CHRNA7: variants seen among roughly 807,000 people sequenced by gnomAD.
CHRNA7 encodes cholinergic receptor nicotinic alpha 7 subunit, also known as neuronal acetylcholine receptor subunit alpha-7.
In CHRNA7, 17 loss-of-function variants were observed where a neutral mutation model predicts 48.0. The observed-to-expected ratio is 0.35, with a 90% confidence interval of 0.24 to 0.53. The LOEUF is 0.53. CHRNA7 is among the 20% of genes least tolerant of loss of function. The pLI is 0.92. For synonymous variants in CHRNA7, 75 were observed against 242.3 expected (o/e 0.31, Z 6.41); for missense variants, 155 against 577.7 (o/e 0.27, Z 7.50).
At chr15:32,054,317 A>G (rs757335203) in intron 2 of CHRNA7, among the ~76,000 whole-genome samples, 31 of 152,298 alleles carry the variant, frequency 2.0e-4, no homozygotes, top group Admixed American at 5.9e-4. Context: ...TGAAATCACT[A>G]GTCAGGAAAC....
At chr15:32,125,725 A>G (rs2051055003) in intron 4 of CHRNA7, among the ~76,000 whole-genome samples, 1 of 152,184 alleles carries the variant, frequency 6.6e-6, no homozygotes, top group Non-Finnish European at 1.5e-5. Context: ...TAACAATGGA[A>G]ACTGCATCTT....
At chr15:32,095,971 G>T (rs1045023243) in intron 2 of CHRNA7, among the ~76,000 whole-genome samples, 1 of 152,280 alleles carries the variant, frequency 6.6e-6, no homozygotes, top group East Asian at 1.9e-4. Context: ...GTGACCTAGG[G>T]CCAGGAGCTT....
At chr15:32,052,984 C>T (rs1186288695) in intron 2 of CHRNA7, among the ~76,000 whole-genome samples, 3 of 152,026 alleles carry the variant, frequency 2.0e-5, no homozygotes, top group Non-Finnish European at 4.4e-5. Flanking sequence ...ATCACATGTA[C>T]CTCCAAAATA....
intron 2 of CHRNA7, among the ~76,000 whole-genome samples, chr15:32,063,247 A>G (rs1200305820): frequency 6.6e-6 from 1 of 151,724 alleles, no homozygotes; most frequent in Admixed American, 6.6e-5. Flanking sequence ...AAAAAAAAAA[A>G]GTAATTGCAC....
At chr15:32,151,720 A>G (rs923262887) in intron 4 of CHRNA7, among the ~76,000 whole-genome samples, 3 of 152,092 alleles carry the variant, frequency 2.0e-5, no homozygotes, top group African/African-American at 7.2e-5. Flanking sequence ...TCTAATTGCT[A>G]TATCCTCTTG....
At chr15:32,046,777 T>A (rs934757469) in intron 2 of CHRNA7, among the ~76,000 whole-genome samples, 5 of 152,050 alleles carry the variant, frequency 3.3e-5, no homozygotes, top group Admixed American at 3.3e-4. Flanking sequence ...TGCCTAGGTT[T>A]TCTTCTAGGG....
intron 2 of CHRNA7, among the ~76,000 whole-genome samples, chr15:32,044,124 T>G (rs1476631417): frequency 1.3e-5 from 2 of 152,220 alleles, no homozygotes; most frequent in African/African-American, 4.8e-5. Context: ...TTTAACAGTT[T>G]TGCTATGATA....
intron 2 of CHRNA7, among the ~76,000 whole-genome samples, chr15:32,076,714 T>C (rs2050141167): frequency 6.6e-6 from 1 of 152,158 alleles, no homozygotes; most frequent in African/African-American, 2.4e-5. Context: ...ATAATCTCTC[T>C]CATTATTAAC....
chr15:32,047,339 T>A (rs1274799707), intron 2 of CHRNA7, among the ~76,000 whole-genome samples: 4 of 150,726 alleles, frequency 2.7e-5, no homozygotes, highest in South Asian at 2.1e-4. Flanking sequence ...TATCCTCTTT[T>A]ATTTCATTGA....
intron 2 of CHRNA7, among the ~76,000 whole-genome samples, chr15:32,079,152 C>G (rs1005624628): frequency 6.6e-6 from 1 of 152,126 alleles, no homozygotes. Flanking sequence ...GGACATACCT[C>G]AAAATAATAA....
intron 4 of CHRNA7, among the ~76,000 whole-genome samples, chr15:32,150,229 T>C (rs571993621): frequency 4.6e-4 from 70 of 152,150 alleles, no homozygotes; most frequent in Non-Finnish European, 8.7e-4. Flanking sequence ...TTTGTCAGTG[T>C]TTTGTTTTTG....
At chr15:32,066,160 A>C (rs1187205292) in intron 2 of CHRNA7, among the ~76,000 whole-genome samples, 6 of 152,276 alleles carry the variant, frequency 3.9e-5, no homozygotes, top group African/African-American at 1.4e-4. Flanking sequence ...GACTTTAGTG[A>C]GTATACACAA....
At chr15:32,143,745 C>CT (rs1053921325) in intron 4 of CHRNA7, among the ~76,000 whole-genome samples, 6 of 151,210 alleles carry the variant, frequency 4.0e-5, no homozygotes, top group East Asian at 3.9e-4. Context: ...GCAACCCCTG[C>CT]TTTTTTTTTG....
intron 4 of CHRNA7, among the ~76,000 whole-genome samples, chr15:32,119,347 G>A (rs917788292): frequency 1.3e-5 from 2 of 152,204 alleles, no homozygotes; most frequent in Non-Finnish European, 2.9e-5. Flanking sequence ...TTTGACACAC[G>A]ATCACTTTAT....
At chr15:32,121,139 C>T (rs80259814) in intron 4 of CHRNA7, among the ~76,000 whole-genome samples, 4,502 of 152,226 alleles carry the variant, frequency 0.03, 182 homozygotes, top group African/African-American at 0.093. Flanking sequence ...GTGTGGGGCC[C>T]GAGCTGGATG....
chr15:32,166,350 T>G (rs1393116119), intron 9 of CHRNA7: 2 of 152,222 alleles, frequency 1.3e-5, no homozygotes, highest in African/African-American at 4.8e-5. Flanking sequence ...TGCTCCTTAC[T>G]GATCATAAAA....
chr15:32,064,356 T>C (rs1242064763), intron 2 of CHRNA7, among the ~76,000 whole-genome samples: 1 of 152,156 alleles, frequency 6.6e-6, no homozygotes, highest in African/African-American at 2.4e-5. Flanking sequence ...ATGGAATTTT[T>C]CTTCTACTTC....
At chr15:32,092,877 A>G (rs2050405732) in intron 2 of CHRNA7, among the ~76,000 whole-genome samples, 1 of 152,144 alleles carries the variant, frequency 6.6e-6, no homozygotes, top group Admixed American at 6.5e-5. Context: ...AGTTCCTTAG[A>G]GGACCCCAAT....
At chr15:32,130,473 GATA>G (rs1462069629) in intron 4 of CHRNA7, among the ~76,000 whole-genome samples, 1 of 150,986 alleles carries the variant, frequency 6.6e-6, no homozygotes, top group African/African-American at 2.4e-5. Context: ...TGCTTTATCT[GATA>G]ATAATATAGT....
Sources: allele counts gnomAD v4.1 joint callset (sites outside exome capture counted in the v4.1 genomes callset), GRCh38; gene constraint gnomAD v4.1.1; transcripts MANE v1.5; gene names NCBI Gene and HGNC (gene_info 2026-07-23, HGNC 2026-07-21).